Variants in GHR observed in about 807,000 individuals in gnomAD.
The protein encoded by GHR is GH receptor.
In GHR, 35 loss-of-function variants were observed where a neutral mutation model predicts 67.1. That is an observed-to-expected ratio of 0.52 (90% CI 0.40 to 0.69). The LOEUF (loss-of-function observed/expected upper bound fraction) is 0.69, where lower values mean the gene tolerates loss of function less well. Among genes scored for constraint, GHR ranks in the 30% least tolerant of loss-of-function variants. The probability of loss-of-function intolerance (pLI) is 0.00; values close to 1 mark genes in which losing one functional copy is unlikely to be tolerated. For missense variants in GHR, 792 were observed against 764.6 expected (o/e 1.04, Z -0.42); for synonymous variants, 272 against 269.1 (o/e 1.01, Z -0.10).
chr5:42,673,609 A>C (rs185493949), intron 3 of GHR, among the ~76,000 whole-genome samples: 12 of 152,328 alleles, frequency 7.9e-5, no homozygotes, highest in Admixed American at 5.9e-4. Context: ...GAATGAAATC[A>C]TGTCCTTTGC....
chr5:42,482,125 T>C (rs979776508), intron 1 of GHR, among the ~76,000 whole-genome samples: 6 of 152,176 alleles, frequency 3.9e-5, no homozygotes, highest in Admixed American at 2.0e-4. Flanking sequence ...TGCAGGTCCA[T>C]TGGAGTTTGC....
intron 2 of GHR, among the ~76,000 whole-genome samples, chr5:42,581,893 C>T (rs1385564063): frequency 6.6e-6 from 1 of 152,242 alleles, no homozygotes; most frequent in East Asian, 1.9e-4. Flanking sequence ...CCTGCTCCTG[C>T]AGGCTTGGAA....
intron 1 of GHR, among the ~76,000 whole-genome samples, chr5:42,525,847 C>T (rs1747684373): frequency 6.6e-6 from 1 of 152,200 alleles, no homozygotes; most frequent in South Asian, 2.1e-4. Context: ...TCATTTTTCT[C>T]TTGCCGCCAC....
At chr5:42,508,714 C>T (rs1245286559) in intron 1 of GHR, among the ~76,000 whole-genome samples, 2 of 152,168 alleles carry the variant, frequency 1.3e-5, no homozygotes, top group African/African-American at 2.4e-5. Context: ...GCTAGGACTA[C>T]AAGCGCCCGC....
intron 6 of GHR, among the ~76,000 whole-genome samples, chr5:42,705,327 G>A (rs1327325616): frequency 3.9e-5 from 6 of 151,916 alleles, no homozygotes; most frequent in African/African-American, 1.2e-4. Context: ...CTCTTAGAAC[G>A]ACTTTTACTG....
At chr5:42,672,216 G>A (rs1395098314) in intron 3 of GHR, among the ~76,000 whole-genome samples, 4 of 152,088 alleles carry the variant, frequency 2.6e-5, no homozygotes, top group Non-Finnish European at 5.9e-5. Context: ...TCTCTTTACT[G>A]ACTATATAAT....
chr5:42,545,950 A>T (rs1205242302), intron 1 of GHR, among the ~76,000 whole-genome samples: 1 of 152,330 alleles, frequency 6.6e-6, no homozygotes, highest in South Asian at 2.1e-4. Context: ...GGGCCTTAAT[A>T]ATTCCCCCAA....
chr5:42,650,576 A>AC lies in GHR; in HGVS notation c.136+21473_136+21474insC, dbSNP rs1238563261. Among the ~76,000 whole-genome samples, 251 of 53,378 alleles carry AC rather than the reference A, an allele frequency of 4.7e-3. 3 individuals carry two copies. The highest frequency in any genetic ancestry group is 0.018 in the African/African-American group (235 of 12,880). 35.0% of individuals were successfully genotyped at this position (53,378 alleles called of 152,430 possible). On this transcript the variant is annotated intron_variant, in intron 3 of 9. Transcript: ENST00000230882. ...TCCCAATGTACTCACTTTTACAGAT[A>AC]ACATATATATATATATATATATATA...
At position 42,553,392 on chromosome 5, in the gene GHR, C is replaced by A. The variant is rs574074397; in HGVS notation, c.-11-12472C>A. Among the ~76,000 whole-genome samples the A allele has an allele frequency of 3.3e-5, 5 of 152,280 alleles. No homozygotes were observed. The East Asian group carries it at 9.6e-4, about 29-fold the overall frequency. ...GGGAGCCAGTTTTTGCTCCTAGAGG[C>A]TATCTGCATTGCATCTCATGGTTTC... On this transcript the variant is annotated intron_variant, in intron 1 of 9. Coordinates refer to ENST00000230882, the MANE Select transcript of GHR (RefSeq NM_000163.5).
intron 1 of GHR, among the ~76,000 whole-genome samples, chr5:42,546,334 G>A (rs1231950509): frequency 1.3e-5 from 2 of 152,162 alleles, no homozygotes; most frequent in African/African-American, 4.8e-5. Context: ...CAACATCATA[G>A]TGAGTCTCAG....
intron 1 of GHR, among the ~76,000 whole-genome samples, chr5:42,508,731 G>A (rs564248118): frequency 1.3e-5 from 2 of 152,150 alleles, no homozygotes; most frequent in African/African-American, 2.4e-5. Context: ...CCGCCACCAC[G>A]CCCGGCTAAT....
chr5:42,571,521 G>A (rs958514237), intron 2 of GHR, among the ~76,000 whole-genome samples: 1 of 152,214 alleles, frequency 6.6e-6, no homozygotes, highest in African/African-American at 2.4e-5. Context: ...GAGAACAGCA[G>A]AGCCATGTGC....
chr5:42,498,396 T>C (rs1746406826), intron 1 of GHR, among the ~76,000 whole-genome samples: 1 of 152,312 alleles, frequency 6.6e-6, no homozygotes, highest in Non-Finnish European at 1.5e-5. Context: ...GACTACTTTA[T>C]ATTAGTAATT....
intron 6 of GHR, among the ~76,000 whole-genome samples, chr5:42,704,855 A>G (rs1758100402): frequency 6.6e-6 from 1 of 151,890 alleles, no homozygotes; most frequent in Non-Finnish European, 1.5e-5. Context: ...TATTGGTTGT[A>G]ATGTCTCCTC....
intron 1 of GHR, among the ~76,000 whole-genome samples, chr5:42,460,069 T>A (rs1053343121): frequency 1.3e-5 from 2 of 152,170 alleles, no homozygotes; most frequent in African/African-American, 4.8e-5. Context: ...TCCAATCCTA[T>A]AGAGTTGGTG....
intron 1 of GHR, among the ~76,000 whole-genome samples, chr5:42,489,562 T>C (rs1209474931): frequency 6.6e-6 from 1 of 152,188 alleles, no homozygotes; most frequent in African/African-American, 2.4e-5. Context: ...TTGAGCAGCA[T>C]ATTTTTGGAA....
intron 1 of GHR, among the ~76,000 whole-genome samples, chr5:42,440,749 T>C (rs1743530198): frequency 6.6e-6 from 1 of 152,064 alleles, no homozygotes; most frequent in South Asian, 2.1e-4. Flanking sequence ...TGGACCAGGG[T>C]GATGATGCTG....
chr5:42,592,687 G>C (rs1307426691), intron 2 of GHR, among the ~76,000 whole-genome samples: 1 of 152,158 alleles, frequency 6.6e-6, no homozygotes, highest in East Asian at 1.9e-4. Flanking sequence ...GGTTTATCCT[G>C]TGTCTTTGTT....
intron 1 of GHR, among the ~76,000 whole-genome samples, chr5:42,482,797 A>G (rs1439603165): frequency 6.6e-6 from 1 of 152,146 alleles, no homozygotes; most frequent in Non-Finnish European, 1.5e-5. Flanking sequence ...TTCTTTGACT[A>G]GGAAAGGGAA....
Sources: allele counts gnomAD v4.1 joint callset (sites outside exome capture counted in the v4.1 genomes callset), GRCh38; gene constraint gnomAD v4.1.1; transcripts MANE v1.5; gene names NCBI Gene and HGNC (gene_info 2026-07-23, HGNC 2026-07-21).